Variants in PAPPA observed in about 807,000 individuals in gnomAD.
PAPPA encodes the protein pappalysin 1, also known as pappalysin-1.
PAPPA carries 60 observed loss-of-function variants against 164.0 expected under a neutral mutation model. The observed-to-expected ratio is 0.37, with a 90% CI of 0.30 to 0.45. The LOEUF is 0.45. PAPPA is among the 20% of genes least tolerant of loss of function. PAPPA has a pLI of 1.00. For missense variants in PAPPA, 1,782 were observed against 2,087.3 expected (o/e 0.85, Z 2.85); for synonymous variants, 875 against 814.1 (o/e 1.07, Z -1.27).
intron 6 of PAPPA, among the ~76,000 whole-genome samples, chr9:116,231,708 TGGATGGATGGATA>T (rs1345878332): frequency 3.9e-5 from 4 of 101,754 alleles, no homozygotes; most frequent in Non-Finnish European, 8.2e-5. Flanking sequence ...GATGGATGGA[TGGATGGATGGATA>T]GTGTCTGTGT....
At chr9:116,363,254 C>A (rs1400846878) in intron 18 of PAPPA, among the ~76,000 whole-genome samples, 3 of 152,070 alleles carry the variant, frequency 2.0e-5, no homozygotes, top group Admixed American at 2.0e-4. Flanking sequence ...ATATCTTATC[C>A]TCACAATAAC....
Position 116,187,670 on chromosome 9 carries a change from G to T in PAPPA, c.932G>T (p.Ser311Ile), listed in dbSNP as rs751127082. ...GGCAGCAGCCCCAAAGTGGAATTCA[G>T]CAATGCCCACGGCTTTCTGCTGGAC... ...KDGSSPKVEF[S>I]NAHGFLLDTS... The change falls in exon 2 of 22, where the codon AGC (serine) becomes ATC (isoleucine). Residue 311 changes from serine to isoleucine, a missense_variant. Coordinates refer to ENST00000328252, the MANE Select transcript of PAPPA (RefSeq NM_002581.5). The surrounding 1 kb of genome is among the most constrained non-coding windows in gnomAD (Gnocchi z 4.2). The T allele has an allele frequency of 1.1e-5, 17 of 1,614,260 alleles. No homozygotes were observed. In the South Asian group the frequency reaches 1.8e-4, roughly 17 times the overall value.
chr9:116,287,159 G>A (rs2118855403), intron 9 of PAPPA: 1 of 152,276 alleles, frequency 6.6e-6, no homozygotes. Flanking sequence ...ATAATAATAG[G>A]ACCAAACACG....
At position 116,352,801 on chromosome 9, in the gene PAPPA, A is replaced by T. The variant is rs774939058; in HGVS notation, c.4060A>T (p.Asn1354Tyr). The change falls in exon 16 of 22, where the codon AAT becomes TAT. Residue 1354 changes from asparagine to tyrosine, a missense_variant. Physicochemically the swap from Asn to Tyr is moderately radical, Grantham distance 143. Around this residue, in one of 2 missense-constraint regions of PAPPA, gnomAD observed 1,324 missense variants for 1,656.9 expected, o/e 0.80. Transcript: ENST00000328252. ...LMCLAPPPVP[N>Y]ADLQTARCRE... Reference sequence around the variant, plus strand: ...GTGCCTCGCTCCACCCCCTGTGCCCAATGCAGACCTCCAGACCGCCCGGTG... The same window carrying T: ...GTGCCTCGCTCCACCCCCTGTGCCCTATGCAGACCTCCAGACCGCCCGGTG... 6.2e-7 allele frequency: 1 copy of T among 1,613,942 alleles called. No individual in the cohort carries two copies. Among genetic ancestry groups the T allele is most frequent in the Admixed American group, 1.7e-5 (1 of 60,002 alleles).
At chr9:116,163,330 G>T (rs555542960) in intron 1 of PAPPA, among the ~76,000 whole-genome samples, 10 of 152,270 alleles carry the variant, frequency 6.6e-5, no homozygotes, top group Non-Finnish European at 1.5e-4. Flanking sequence ...TGAAAAGAGT[G>T]GTCAAGGGAG....
At position 116,211,652 on chromosome 9, in the gene PAPPA, G is replaced by T. The variant is rs1379109158; in HGVS notation, c.1638G>T (p.Leu546Phe). 1 of 1,613,856 alleles carries T rather than the reference G, an allele frequency of 6.2e-7. No homozygotes were observed. The highest frequency in any genetic ancestry group is 1.3e-5 in the African/African-American group (1 of 74,880). ...EALMHLGGIV[L>F]NPSFYGMPGH... is the part of the protein sequence containing the mutation. ...TTCCCCTTACAGGTGGCATTGTCTT[G>T]AACCCATCTTTCTATGGCATGCCTG... Residue 546 changes from leucine to phenylalanine, a missense_variant, in exon 4 of 22, where the codon TTG (leucine) becomes TTT (phenylalanine). Leu to Phe is a conservative substitution (Grantham distance 22). Around this residue, in one of 2 missense-constraint regions of PAPPA, gnomAD observed 1,324 missense variants for 1,656.9 expected, o/e 0.80. Transcript: ENST00000328252.
At chr9:116,311,604 T>G (rs1396007467) in intron 10 of PAPPA, among the ~76,000 whole-genome samples, 2 of 152,228 alleles carry the variant, frequency 1.3e-5, no homozygotes, top group African/African-American at 4.8e-5. Context: ...ACTTGGGTAC[T>G]GTTTGTTACC....
Position 116,347,059 on chromosome 9 carries a change from G to C in PAPPA, c.3814G>C (p.Gly1272Arg). The C allele has an allele frequency of 6.2e-7, 1 of 1,614,074 alleles. No homozygotes were observed. Among genetic ancestry groups the C allele is most frequent in the Non-Finnish European group, 8.5e-7 (1 of 1,179,978 alleles). The change falls in exon 15 of 22, where the codon GGC becomes CGC. Residue 1272 changes from glycine to arginine, a missense_variant. Transcript: ENST00000328252. This position sits in a 1 kb window ranked among gnomAD's most constrained non-coding sequence, Gnocchi z 4.5. ...GPSVTVTCTE[G>R]KWNKQVACEP... is the part of the protein sequence containing the mutation. ...CAGCGTCACAGTGACCTGTACAGAG[G>C]GCAAGTGGAATAAGCAGGTGGCCTG...
chr9:116,315,110 A>G (rs1184205021), intron 10 of PAPPA, among the ~76,000 whole-genome samples: 1 of 152,204 alleles, frequency 6.6e-6, no homozygotes, highest in Non-Finnish European at 1.5e-5. Flanking sequence ...GATTAAATTT[A>G]TAAATCGGTG....
At chr9:116,341,624 A>T (rs539289339) in intron 13 of PAPPA, among the ~76,000 whole-genome samples, 2 of 152,282 alleles carry the variant, frequency 1.3e-5, no homozygotes, top group African/African-American at 4.8e-5. Context: ...CTCATGTATT[A>T]CTTTTCTTTG....
At chr9:116,346,919 C>G in intron 14 of PAPPA, 107 bp from the exon 15 acceptor site, 1 of 798,440 alleles carries the variant, frequency 1.3e-6, no homozygotes, top group Non-Finnish European at 2.0e-6. Flanking sequence ...GCATTGGTCT[C>G]CTAGTGCCTG....
Position 116,187,443 on chromosome 9 carries a change from C to T in PAPPA, c.705C>T (p.Cys235=). The T allele has an allele frequency of 1.2e-6, 2 of 1,614,156 alleles. No individual in the cohort carries two copies. The highest frequency in any genetic ancestry group is 1.7e-6 in the Non-Finnish European group (2 of 1,180,048). ...TATTCAGCCCACTGACCCAGAAGTG[C>T]AAAGTGCTCATGTTAGGGGGCAGTG... The part of the protein sequence containing the change: ...GGIFSPLTQK[C]KVLMLGGSAL... The change falls in exon 2 of 22, where the codon TGC becomes TGT. Residue 235 remains cysteine, a synonymous_variant. Transcript: ENST00000328252. This position sits in a 1 kb window ranked among gnomAD's most constrained non-coding sequence, Gnocchi z 4.2.
At chr9:116,195,198 A>T (rs1214781922) in intron 2 of PAPPA, among the ~76,000 whole-genome samples, 6 of 152,148 alleles carry the variant, frequency 3.9e-5, no homozygotes, top group African/African-American at 1.4e-4. Flanking sequence ...AGGCATACTC[A>T]CACATATGGT....
chr9:116,165,182 G>A (rs1056033640), intron 1 of PAPPA, among the ~76,000 whole-genome samples: 1 of 152,146 alleles, frequency 6.6e-6, no homozygotes, highest in African/African-American at 2.4e-5. Context: ...AAAGTCTTAA[G>A]CCAGGTCTGG....
chr9:116,157,636 C>A (rs757827136), intron 1 of PAPPA, among the ~76,000 whole-genome samples: 23 of 152,026 alleles, frequency 1.5e-4, no homozygotes, highest in Non-Finnish European at 2.6e-4. Flanking sequence ...AGCTCCTCAG[C>A]GGCAGGAACT....
intron 18 of PAPPA, among the ~76,000 whole-genome samples, chr9:116,367,003 T>C (rs1846509658): frequency 6.6e-6 from 1 of 152,172 alleles, no homozygotes; most frequent in Admixed American, 6.5e-5. Context: ...CTCACTGAGC[T>C]CTACCTGGGT....
At chr9:116,209,814 G>A (rs1279133378) in intron 3 of PAPPA, among the ~76,000 whole-genome samples, 1 of 152,130 alleles carries the variant, frequency 6.6e-6, no homozygotes, top group East Asian at 1.9e-4. Context: ...CATTATTGTA[G>A]CTGCTTATTT....
chr9:116,251,724 T>C (rs185755541), intron 7 of PAPPA, among the ~76,000 whole-genome samples: 6 of 152,344 alleles, frequency 3.9e-5, no homozygotes, highest in Admixed American at 2.0e-4. Context: ...CCATCACCAG[T>C]AGAATGTTTG....
rs1404262077 is a variant in PAPPA at position 116,271,638 on chromosome 9, C to T, written c.2953+222C>T. Reference sequence around the variant, plus strand: ...AAGCAATCCCTCAAGAGCTTAAGCTCTCATAGATGATGCCAATGACGGGTA... The same window carrying T: ...AAGCAATCCCTCAAGAGCTTAAGCTTTCATAGATGATGCCAATGACGGGTA... On this transcript the variant is annotated intron_variant, in intron 9 of 21. Transcript: ENST00000328252. This position sits in a 1 kb window ranked among gnomAD's most constrained non-coding sequence, Gnocchi z 4.2. Among the ~76,000 whole-genome samples, 2 of 152,194 alleles carry T rather than the reference C, an allele frequency of 1.3e-5. No individual in the cohort carries two copies. The highest frequency in any genetic ancestry group is 4.8e-5 in the African/African-American group (2 of 41,454).
Sources: allele counts gnomAD v4.1 joint callset (sites outside exome capture counted in the v4.1 genomes callset), GRCh38; gene constraint gnomAD v4.1.1; regional missense constraint gnomAD v4.1.1; non-coding constraint Gnocchi (gnomAD v3.1); transcripts MANE v1.5; gene names NCBI Gene and HGNC (gene_info 2026-07-23, HGNC 2026-07-21).